KCNMA1: variants seen among roughly 807,000 people sequenced by gnomAD.
KCNMA1 encodes Calcium-activated potassium channel subunit alpha-1.
Under a neutral mutation model 140.0 loss-of-function variants are expected in KCNMA1, and 29 were observed. The observed-to-expected ratio is 0.21, with a 90% CI of 0.15 to 0.28. The LOEUF is 0.28. Among genes scored for constraint, KCNMA1 ranks in the 10% least tolerant of loss-of-function variants. The probability of loss-of-function intolerance (pLI) is 1.00; values close to 1 mark genes in which losing one functional copy is unlikely to be tolerated. For missense variants in KCNMA1, 880 were observed against 1,602.2 expected (o/e 0.55, Z 7.70); for synonymous variants, 612 against 611.9 (o/e 1.00, Z 0.00).
At position 76,899,526 on chromosome 10, in the gene KCNMA1, C is replaced by T. The variant is rs139364065; in HGVS notation, c.3148-7807G>A. Among the ~76,000 whole-genome samples, 716 of 152,156 alleles carry T rather than the reference C, an allele frequency of 4.7e-3. 7 individuals are homozygous for T. The highest frequency in any genetic ancestry group is 0.016 in the African/African-American group (684 of 41,516). On this transcript the variant is annotated intron_variant, in intron 25 of 27. Coordinates refer to ENST00000286628, the MANE Select transcript of KCNMA1 (RefSeq NM_001161352.2). ...TTTTAAAATAAGGTTTTGTTGGGAC[C>T]CAGCCATGTCCATTTGTTTATGTAT...
At chr10:76,963,635 T>G (rs1216957097) in intron 20 of KCNMA1, among the ~76,000 whole-genome samples, 1 of 152,170 alleles carries the variant, frequency 6.6e-6, no homozygotes, top group African/African-American at 2.4e-5. Context: ...TCTGTGGAAC[T>G]CGAGGCATTG....
intron 1 of KCNMA1, among the ~76,000 whole-genome samples, chr10:77,602,487 A>G (rs2082975343): frequency 6.6e-6 from 1 of 152,180 alleles, no homozygotes; most frequent in Non-Finnish European, 1.5e-5. Context: ...AATAATAGCA[A>G]TGATTGCACA....
chr10:76,980,057 C>T (rs2078963543), intron 19 of KCNMA1: 1 of 152,098 alleles, frequency 6.6e-6, no homozygotes, highest in Non-Finnish European at 1.5e-5. Flanking sequence ...CGGACACATC[C>T]TGTGCAATAT....
chr10:77,364,180 G>A (rs886997860), intron 2 of KCNMA1, among the ~76,000 whole-genome samples: 2 of 152,140 alleles, frequency 1.3e-5, no homozygotes, highest in Non-Finnish European at 2.9e-5. Context: ...GCCGGGCGCA[G>A]TGGCTCACAC....
At chr10:76,968,395 A>T (rs1481333011) in intron 20 of KCNMA1, among the ~76,000 whole-genome samples, 1 of 152,194 alleles carries the variant, frequency 6.6e-6, no homozygotes, top group Admixed American at 6.5e-5. Context: ...AATTATTATT[A>T]CTCAAGATCA....
At chr10:76,971,187 G>A (rs1383071238) in intron 19 of KCNMA1, among the ~76,000 whole-genome samples, 2 of 152,118 alleles carry the variant, frequency 1.3e-5, no homozygotes, top group African/African-American at 4.8e-5. Flanking sequence ...CACAGACTAG[G>A]AGGAAAGCAC....
At chr10:77,545,432 C>G (rs933106481) in intron 1 of KCNMA1, among the ~76,000 whole-genome samples, 2 of 152,200 alleles carry the variant, frequency 1.3e-5, no homozygotes, top group Non-Finnish European at 2.9e-5. Context: ...ATCCTCCACA[C>G]ACGAATCACT....
intron 2 of KCNMA1, among the ~76,000 whole-genome samples, chr10:77,334,406 C>G (rs1023000393): frequency 1.3e-5 from 2 of 152,166 alleles, no homozygotes; most frequent in African/African-American, 4.8e-5. Context: ...GGCGCTTGGT[C>G]TTAAAAATGT....
intron 1 of KCNMA1, among the ~76,000 whole-genome samples, chr10:77,539,224 C>T (rs1379980378): frequency 6.6e-6 from 1 of 152,210 alleles, no homozygotes; most frequent in Non-Finnish European, 1.5e-5. Context: ...TTCCCAACTT[C>T]CCAATGAGCT....
intron 14 of KCNMA1, among the ~76,000 whole-genome samples, chr10:77,047,365 T>C (rs2095123556): frequency 6.6e-6 from 1 of 151,998 alleles, no homozygotes; most frequent in Non-Finnish European, 1.5e-5. Flanking sequence ...CCACACGAGG[T>C]GTTCAGAGGG....
chr10:76,886,407 C>A lies in KCNMA1; in HGVS notation c.*859G>T. On this transcript the variant is annotated 3_prime_UTR_variant, in exon 28 of 28. Coordinates refer to ENST00000286628, the MANE Select transcript of KCNMA1 (RefSeq NM_001161352.2). The stretch of plus-strand genomic sequence containing the variant: ...CATCTGATATTTATGATACATATGG[C>A]TTTTCATCCCAAATGTCAAAAGTGA... 1 of 985,064 alleles carries A rather than the reference C, an allele frequency of 1.0e-6. No homozygotes were observed. The highest frequency in any genetic ancestry group is 1.2e-6 in the Non-Finnish European group (1 of 829,672). The allele number at this position is 985,064 out of a possible 1,614,324, so 61.0% of individuals were successfully genotyped here. A position where few individuals can be genotyped will look rare whatever the true frequency, so the allele number is the denominator to read the frequency against.
intron 5 of KCNMA1, among the ~76,000 whole-genome samples, chr10:77,170,416 G>A (rs1431609083): frequency 3.9e-5 from 6 of 152,034 alleles, no homozygotes; most frequent in Admixed American, 3.9e-4. Context: ...CTGAGATACT[G>A]TATCCCTGGG....
At chr10:77,327,382 C>T (rs761205067) in intron 2 of KCNMA1, among the ~76,000 whole-genome samples, 8 of 151,770 alleles carry the variant, frequency 5.3e-5, no homozygotes, top group Non-Finnish European at 8.8e-5. Flanking sequence ...GATGGAGTCT[C>T]GCTCTGTCAC....
intron 1 of KCNMA1, among the ~76,000 whole-genome samples, chr10:77,552,722 C>T (rs2063158868): frequency 6.6e-6 from 1 of 152,162 alleles, no homozygotes; most frequent in Non-Finnish European, 1.5e-5. Context: ...GGTGGCCTGG[C>T]TTCCTGATGC....
chr10:77,076,651 G>A (rs2096407052), intron 13 of KCNMA1, among the ~76,000 whole-genome samples: 1 of 152,184 alleles, frequency 6.6e-6, no homozygotes, highest in African/African-American at 2.4e-5. Context: ...GCCCTGCTCT[G>A]AAGTTACCCT....
At chr10:76,947,572 A>C (rs142450576) in intron 22 of KCNMA1, among the ~76,000 whole-genome samples, 1 of 152,346 alleles carries the variant, frequency 6.6e-6, no homozygotes, top group East Asian at 1.9e-4. Context: ...TAACCATGGA[A>C]TCATATAATC....
chr10:77,413,738 G>A (rs546300109), intron 1 of KCNMA1, among the ~76,000 whole-genome samples: 7 of 152,216 alleles, frequency 4.6e-5, no homozygotes, highest in Admixed American at 2.0e-4. Flanking sequence ...TCTGCACCCC[G>A]GAGACTCTGC....
At chr10:77,033,229 T>C (rs2094071176) in intron 15 of KCNMA1, among the ~76,000 whole-genome samples, 2 of 152,154 alleles carry the variant, frequency 1.3e-5, no homozygotes, top group African/African-American at 4.8e-5. Context: ...TAATTTAAAA[T>C]GACAGCCGCT....
intron 20 of KCNMA1, among the ~76,000 whole-genome samples, chr10:76,963,843 C>T (rs2072745742): frequency 6.6e-6 from 1 of 152,056 alleles, no homozygotes; most frequent in South Asian, 2.1e-4. Flanking sequence ...TCACTAAGAC[C>T]TTGAGCACAA....
Sources: gnomAD v4.1 joint callset for allele counts (sites outside exome capture counted in the v4.1 genomes callset) on GRCh38, gnomAD v4.1.1 for gene constraint, MANE v1.5 for transcripts, NCBI Gene and HGNC (gene_info 2026-07-23, HGNC 2026-07-21) for gene names.